The following TSPAN15 variants were observed in gnomAD, a reference collection of about 807,000 sequenced individuals.
TSPAN15 encodes tetraspanin-15.
Under a neutral mutation model 34.5 loss-of-function variants are expected in TSPAN15, and 20 were observed. That is an observed-to-expected ratio of 0.58 (90% CI 0.41 to 0.84). TSPAN15 has a LOEUF of 0.84. Ranked by LOEUF, TSPAN15 falls within the 40% of genes least tolerant of loss-of-function variation. TSPAN15 has a pLI of 0.00. For missense variants in TSPAN15, 313 were observed against 386.1 expected (o/e 0.81, Z 1.59); for synonymous variants, 155 against 153.9 (o/e 1.01, Z -0.05).
chr10:69,524,826 G>A, the TSPAN15 span, among the ~76,000 whole-genome samples: 1 of 145,152 alleles, frequency 6.9e-6, no homozygotes, highest in South Asian at 2.2e-4. Context: ...TGTCACCCAG[G>A]TTGGGGTGCA....
the TSPAN15 span, among the ~76,000 whole-genome samples, chr10:69,522,029 A>G: frequency 6.8e-6 from 1 of 147,686 alleles, no homozygotes; most frequent in Non-Finnish European, 1.5e-5. Context: ...GCATCTTTTC[A>G]TGTGCTTATT....
chr10:69,464,543 G>A (rs537222832), intron 1 of TSPAN15, among the ~76,000 whole-genome samples: 1 of 152,348 alleles, frequency 6.6e-6, no homozygotes, highest in South Asian at 2.1e-4. Context: ...AGGTGGATGC[G>A]AGCTAGCTCT....
chr10:69,523,673 G>A, the TSPAN15 span: 1 of 200,950 alleles, frequency 5.0e-6, no homozygotes, highest in South Asian at 8.4e-5. Context: ...TCAGGCGCTG[G>A]ATGAACAAAC....
the TSPAN15 span, among the ~76,000 whole-genome samples, chr10:69,544,832 C>G: frequency 6.6e-6 from 1 of 152,286 alleles, no homozygotes; most frequent in South Asian, 2.1e-4. Context: ...GGAGGAAGGG[C>G]TACAGACCCC....
At chr10:69,504,370 G>A in intron 5 of TSPAN15, 68 bp from the exon 6 acceptor site, 10 of 1,475,122 alleles carry the variant, frequency 6.8e-6, no homozygotes, top group East Asian at 2.3e-5. Flanking sequence ...TGTAAAATGG[G>A]TAGGATAATA....
At chr10:69,500,186 C>T (rs1002670198) in intron 5 of TSPAN15, among the ~76,000 whole-genome samples, 1 of 152,142 alleles carries the variant, frequency 6.6e-6, no homozygotes, top group Admixed American at 6.6e-5. Context: ...GAGCCAGAAG[C>T]GGGATTGGGC....
chr10:69,544,155 C>G, the TSPAN15 span, among the ~76,000 whole-genome samples: 4 of 152,254 alleles, frequency 2.6e-5, no homozygotes, highest in Admixed American at 6.5e-5. Flanking sequence ...GTTTCCCTGA[C>G]CTGAGTCATC....
At chr10:69,516,607 G>A in the TSPAN15 span, among the ~76,000 whole-genome samples, 4 of 152,186 alleles carry the variant, frequency 2.6e-5, no homozygotes, top group Non-Finnish European at 4.4e-5. Context: ...CCACTTGGCC[G>A]GGTCTCTGTG....
chr10:69,451,508 C>T lies in TSPAN15; in HGVS notation c.-87C>T. The T allele has an allele frequency of 1.6e-6, 2 of 1,276,816 alleles. No individual in the cohort carries two copies. The highest frequency in any genetic ancestry group is 2.0e-6 in the Non-Finnish European group (2 of 1,009,940). The allele number at this position is 1,276,816 out of a possible 1,614,324, so 79.1% of individuals were successfully genotyped here. ...GCCGGTGGCGGGGCTGGTAGCCCGG[C>T]AGCCGCAGGTGGGGCCACGAGCGCT... On this transcript the variant is annotated 5_prime_UTR_variant, in exon 1 of 8. Coordinates refer to ENST00000373290, the MANE Select transcript of TSPAN15 (RefSeq NM_012339.5).
chr10:69,514,269 T>A, the TSPAN15 span, among the ~76,000 whole-genome samples: 4 of 152,216 alleles, frequency 2.6e-5, no homozygotes, highest in Admixed American at 6.5e-5. Context: ...TTGGATTTGG[T>A]TTGTTGAAAT....
At chr10:69,539,449 AAGAAGAAGAAGAAGG>A in the TSPAN15 span, among the ~76,000 whole-genome samples, 14 of 26,932 alleles carry the variant, frequency 5.2e-4, 2 homozygotes, top group East Asian at 0.021. Context: ...AAGGAAGAAG[AAGAAGAAGAAGAAGG>A]AGAAGGAGAA....
intron 1 of TSPAN15, among the ~76,000 whole-genome samples, chr10:69,456,313 C>T (rs1841108853): frequency 6.6e-6 from 1 of 152,174 alleles, no homozygotes; most frequent in Non-Finnish European, 1.5e-5. Context: ...TCTCGACCTC[C>T]TGACCTTAAA....
At chr10:69,502,113 C>G (rs897874345) in intron 5 of TSPAN15, among the ~76,000 whole-genome samples, 4 of 152,120 alleles carry the variant, frequency 2.6e-5, no homozygotes, top group African/African-American at 9.7e-5. Context: ...TACATTGTTA[C>G]TGTTCAGCAG....
chr10:69,506,389 C>T lies in TSPAN15; in HGVS notation c.735+149C>T. ...CATGGCTGGAAGGAGGGGCAAATGG[C>T]AATAGCAGTCGTGGCGAAGCTCTTC... On this transcript the variant is annotated intron_variant, in intron 7 of 7. Transcript: ENST00000373290. The surrounding 1 kb of genome is among the most constrained non-coding windows in gnomAD (Gnocchi z 4.7). The T allele has an allele frequency of 2.9e-6, 2 of 697,510 alleles. No homozygotes were observed. Among genetic ancestry groups the T allele is most frequent in the South Asian group, 1.8e-5 (1 of 55,292 alleles). The allele number at this position is 697,510 out of a possible 1,614,324, so 43.2% of individuals were successfully genotyped here. A position where few individuals can be genotyped will look rare whatever the true frequency, so the allele number is the denominator to read the frequency against.
At chr10:69,535,737 G>A in the TSPAN15 span, among the ~76,000 whole-genome samples, 1 of 152,222 alleles carries the variant, frequency 6.6e-6, no homozygotes, top group Admixed American at 6.5e-5. Flanking sequence ...ACTCTCATCT[G>A]ACACATGCCC....
At chr10:69,495,964 A>T (rs1842071339) in intron 4 of TSPAN15, among the ~76,000 whole-genome samples, 1 of 151,742 alleles carries the variant, frequency 6.6e-6, no homozygotes, top group Non-Finnish European at 1.5e-5. Context: ...CCTGCCCCAT[A>T]CCCCCAAATA....
chr10:69,489,500 G>A (rs1223320633), intron 3 of TSPAN15, among the ~76,000 whole-genome samples: 3 of 152,242 alleles, frequency 2.0e-5, no homozygotes, highest in African/African-American at 4.8e-5. Flanking sequence ...ACTGGTAAAT[G>A]TCCATGAAAT....
Position 69,506,690 on chromosome 10 carries a change from T to A in TSPAN15, c.736-139T>A, listed in dbSNP as rs1413321194. On this transcript the variant is annotated intron_variant, in intron 7 of 7. Transcript: ENST00000373290. The surrounding 1 kb of genome is among the most constrained non-coding windows in gnomAD (Gnocchi z 4.7). ...GGCAGTGTGGGTGCTGGGAGAAGTC[T>A]CTGCTGTGGGTGTTGCCCAGGTCAC... 2 of 824,840 alleles carry A rather than the reference T, an allele frequency of 2.4e-6. No homozygotes were observed. Among genetic ancestry groups the A allele is most frequent in the Admixed American group, 2.7e-5 (1 of 36,834 alleles). The allele number at this position is 824,840 out of a possible 1,614,324, so 51.1% of individuals were successfully genotyped here.
At chr10:69,528,113 G>A in the TSPAN15 span, among the ~76,000 whole-genome samples, 3 of 147,998 alleles carry the variant, frequency 2.0e-5, no homozygotes, top group East Asian at 5.1e-4. Flanking sequence ...GGTGTGGAGC[G>A]GCCAGGAGTA....
Sources: allele counts gnomAD v4.1 joint callset (sites outside exome capture counted in the v4.1 genomes callset), GRCh38; gene constraint gnomAD v4.1.1; non-coding constraint Gnocchi (gnomAD v3.1); transcripts MANE v1.5; gene names NCBI Gene and HGNC (gene_info 2026-07-23, HGNC 2026-07-21).